RALGAPA1: variants seen among roughly 807,000 people sequenced by gnomAD.
RALGAPA1 encodes the protein Ral GTPase activating protein catalytic subunit alpha 1.
RALGAPA1 carries 52 observed loss-of-function variants against 269.6 expected under a neutral mutation model. That is an observed-to-expected ratio of 0.19 (90% CI 0.15 to 0.24). The LOEUF (loss-of-function observed/expected upper bound fraction) is 0.24. Among genes scored for constraint, RALGAPA1 ranks in the 10% least tolerant of loss-of-function variants. RALGAPA1 has a pLI of 1.00. For synonymous variants in RALGAPA1, 817 were observed against 1,008.3 expected (o/e 0.81, Z 3.60); for missense variants, 1,917 against 3,013.9 (o/e 0.64, Z 8.52).
At chr14:35,741,714 C>G (rs2071572126) in intron 11 of RALGAPA1, among the ~76,000 whole-genome samples, 1 of 152,220 alleles carries the variant, frequency 6.6e-6, no homozygotes, top group Non-Finnish European at 1.5e-5. Flanking sequence ...GCACTCCTAA[C>G]TCCATCTTAG....
rs2077562575 is a variant in RALGAPA1, at chr14:35,808,942, A to G, written c.-107T>C. On this transcript the variant is annotated 5_prime_UTR_variant, in exon 1 of 42. The change abolishes an upstream ATG in the 5' untranslated region. Coordinates refer to ENST00000680220, the MANE Select transcript of RALGAPA1 (RefSeq NM_001346249.2). Reference sequence around the variant, plus strand: ...GGGAGGAGACTAGCCAGAGAGGCTCATTAGCTCCCCAGCCTTGCGGGCCAG... The same window carrying G: ...GGGAGGAGACTAGCCAGAGAGGCTCGTTAGCTCCCCAGCCTTGCGGGCCAG... The G allele has an allele frequency of 2.0e-6, 3 of 1,491,134 alleles. No individual in the cohort carries two copies. The highest frequency in any genetic ancestry group is 8.9e-7 in the Non-Finnish European group (1 of 1,122,316). 92.4% of individuals were successfully genotyped at this position (1,491,134 alleles called of 1,614,324 possible).
chr14:35,792,411 C>G (rs1231615984), intron 1 of RALGAPA1, among the ~76,000 whole-genome samples: 1 of 152,070 alleles, frequency 6.6e-6, no homozygotes, highest in East Asian at 1.9e-4. Context: ...CCCGCCTCAG[C>G]CTCTCAAAGT....
At chr14:35,598,794 ATC>A (rs2059092368) in intron 36 of RALGAPA1, among the ~76,000 whole-genome samples, 1 of 152,190 alleles carries the variant, frequency 6.6e-6, no homozygotes, top group African/African-American at 2.4e-5. Flanking sequence ...CACTCTGCTA[ATC>A]TCTGTCTTTT....
intron 6 of RALGAPA1, among the ~76,000 whole-genome samples, chr14:35,757,174 A>G (rs2141319529): frequency 6.6e-6 from 1 of 150,468 alleles, no homozygotes; most frequent in East Asian, 2.0e-4. Context: ...CTGGAGTGCA[A>G]TGAATGGCAC....
At chr14:35,639,895 C>T (rs2061906541) in intron 31 of RALGAPA1, among the ~76,000 whole-genome samples, 1 of 150,842 alleles carries the variant, frequency 6.6e-6, no homozygotes, top group African/African-American at 2.4e-5. Flanking sequence ...GTCAAGATTG[C>T]ACCACTGCAG....
intron 37 of RALGAPA1, among the ~76,000 whole-genome samples, chr14:35,573,134 T>C (rs750510307): frequency 6.6e-6 from 1 of 152,184 alleles, no homozygotes; most frequent in South Asian, 2.1e-4. Context: ...TCTTTGCCCA[T>C]GAAACTCAAA....
chr14:35,763,300 C>A (rs537042247), intron 4 of RALGAPA1, among the ~76,000 whole-genome samples: 2 of 152,096 alleles, frequency 1.3e-5, no homozygotes, highest in African/African-American at 2.4e-5. Context: ...TAAATCTACA[C>A]GTAGTTCCAT....
intron 26 of RALGAPA1, among the ~76,000 whole-genome samples, chr14:35,666,336 T>C (rs2063935378): frequency 6.6e-6 from 1 of 152,200 alleles, no homozygotes; most frequent in Admixed American, 6.5e-5. Context: ...CCATCTACTG[T>C]TCAAGCCCCT....
chr14:35,686,252 C>T (rs1467838437), intron 19 of RALGAPA1, among the ~76,000 whole-genome samples: 1 of 151,242 alleles, frequency 6.6e-6, no homozygotes, highest in Non-Finnish European at 1.5e-5. Flanking sequence ...CGAGCAAAGA[C>T]AAAAAAAGGG....
chr14:35,701,598 A>ATAC (rs2067355532), intron 16 of RALGAPA1, among the ~76,000 whole-genome samples: 1 of 152,080 alleles, frequency 6.6e-6, no homozygotes, highest in Non-Finnish European at 1.5e-5. Flanking sequence ...TCTTCCTGAT[A>ATAC]TACTCCTTCA....
At chr14:35,635,190 AT>A (rs2061594643) in intron 32 of RALGAPA1, among the ~76,000 whole-genome samples, 1 of 150,082 alleles carries the variant, frequency 6.7e-6, no homozygotes, top group African/African-American at 2.5e-5. Flanking sequence ...AAAAAAAAAA[AT>A]CAAGGTAAAA....
chr14:35,630,004 C>A (rs1281341841), intron 33 of RALGAPA1, among the ~76,000 whole-genome samples: 1 of 152,066 alleles, frequency 6.6e-6, no homozygotes, highest in Non-Finnish European at 1.5e-5. Context: ...AGTTTGTGCA[C>A]TGATGGTATA....
intron 35 of RALGAPA1, among the ~76,000 whole-genome samples, chr14:35,623,183 A>G (rs1028604254): frequency 1.3e-5 from 2 of 152,180 alleles, no homozygotes; most frequent in African/African-American, 4.8e-5. Flanking sequence ...ATAATTCAAG[A>G]AATCCAAAGA....
rs1424445288 is a variant in RALGAPA1 at position 35,684,461 on chromosome 14, CAT to C, written c.4294+466_4294+467del. 5.9e-5 allele frequency among the ~76,000 whole-genome samples: 9 copies of C among 152,178 alleles called. No homozygotes were observed. The East Asian group carries it at 1.7e-3, about 29-fold the overall frequency. ...ATGAGTGTGTGAAACAGTGGCAACT[CAT>C]AATCATGACTGGCTTTTTAGTAACA... On this transcript the variant is annotated intron_variant, in intron 20 of 41. Coordinates refer to ENST00000680220, the MANE Select transcript of RALGAPA1 (RefSeq NM_001346249.2).
At chr14:35,612,278 G>A (rs746925558) in intron 35 of RALGAPA1, among the ~76,000 whole-genome samples, 20 of 151,336 alleles carry the variant, frequency 1.3e-4, no homozygotes, top group Non-Finnish European at 2.7e-4. Flanking sequence ...GGCTGATGCA[G>A]GAAGATCACT....
At chr14:35,749,113 G>A (rs978536009) in intron 9 of RALGAPA1, among the ~76,000 whole-genome samples, 1 of 152,124 alleles carries the variant, frequency 6.6e-6, no homozygotes, top group African/African-American at 2.4e-5. Flanking sequence ...GTTCAAACAA[G>A]TTATTAATCA....
chr14:35,771,050 A>C (rs1358612047), intron 3 of RALGAPA1, 51 bp from the exon 4 acceptor site: 2 of 763,414 alleles, frequency 2.6e-6, no homozygotes, highest in Non-Finnish European at 4.3e-6. Context: ...CCAAGTAATG[A>C]GTTCACATCC....
intron 16 of RALGAPA1, among the ~76,000 whole-genome samples, chr14:35,711,231 G>A (rs548008814): frequency 2.5e-4 from 38 of 152,224 alleles, no homozygotes; most frequent in Non-Finnish European, 4.7e-4. Context: ...TGTTTAAAGT[G>A]ATTACTGCTA....
chr14:35,596,234 C>T (rs780030263), intron 36 of RALGAPA1, among the ~76,000 whole-genome samples: 1 of 151,788 alleles, frequency 6.6e-6, no homozygotes, highest in African/African-American at 2.4e-5. Context: ...CAGTCCACAA[C>T]AAAAATTAGA....
Sources: allele counts gnomAD v4.1 joint callset (sites outside exome capture counted in the v4.1 genomes callset), GRCh38; gene constraint gnomAD v4.1.1; transcripts MANE v1.5; gene names NCBI Gene and HGNC (gene_info 2026-07-23, HGNC 2026-07-21).